Variants in STAT3 observed in about 807,000 individuals in gnomAD.
STAT3 encodes signal transducer and activator of transcription 3.
In STAT3, 7 loss-of-function variants were observed where a neutral mutation model predicts 114.3. That is an observed-to-expected ratio of 0.06 (90% CI 0.03 to 0.11). The LOEUF is 0.11. STAT3 is among the 10% of genes least tolerant of loss of function. STAT3 has a pLI of 1.00. For missense variants in STAT3, 364 were observed against 960.9 expected, an observed-to-expected ratio of 0.38 and a Z score of 8.21; for synonymous variants, 331 against 354.5, an observed-to-expected ratio of 0.93 and a Z score of 0.74.
intron 13 of STAT3, 27 bp from the exon 14 acceptor site, chr17:42,329,484 C>A (rs911339654): frequency 1.2e-6 from 2 of 1,614,206 alleles, no homozygotes; most frequent in Admixed American, 3.3e-5. Flanking sequence ...AGGCAGGTGT[C>A]CTGTGAGGCT....
intron 6 of STAT3, among the ~76,000 whole-genome samples, chr17:42,338,529 G>A (rs1295454959): frequency 1.1e-5 from 1 of 88,764 alleles, no homozygotes; most frequent in Non-Finnish European, 2.8e-5. Context: ...CTTGACCTGA[G>A]GGAATACTCC....
At chr17:42,356,539 A>T (rs368474317) in intron 1 of STAT3, among the ~76,000 whole-genome samples, 9,847 of 142,912 alleles carry the variant, frequency 0.069, 629 homozygotes, top group African/African-American at 0.17. Context: ...ATATATATAT[A>T]TTTTTTTTTT....
intron 1 of STAT3, among the ~76,000 whole-genome samples, chr17:42,378,394 C>T (rs950476838): frequency 6.6e-6 from 1 of 152,096 alleles, no homozygotes; most frequent in African/African-American, 2.4e-5. Context: ...TACAGGCACG[C>T]GTCACCACAC....
chr17:42,359,919 G>A (rs2083424798), intron 1 of STAT3, among the ~76,000 whole-genome samples: 1 of 152,022 alleles, frequency 6.6e-6, no homozygotes, highest in Non-Finnish European at 1.5e-5. Flanking sequence ...AATTAGCCAG[G>A]TGTAGTGGCG....
chr17:42,315,925 G>A, intron 23 of STAT3, 125 bp from the exon 24 acceptor site: 4 of 1,575,904 alleles, frequency 2.5e-6, no homozygotes, highest in Non-Finnish European at 3.4e-6. Context: ...GCCCCTTAAG[G>A]CCCAGGGATG....
In STAT3 at chr17:42,339,189, G is replaced by A. The variant is rs576920428; in HGVS notation, c.468+125C>T. Reference sequence around the variant, plus strand: ...GAGGATCGCTTGGGCCTGAGAGGTCGAGGCTGCAGTGAGCTGTGATCATGC... The same window carrying A: ...GAGGATCGCTTGGGCCTGAGAGGTCAAGGCTGCAGTGAGCTGTGATCATGC... On this transcript the variant is annotated intron_variant, in intron 5 of 23. Transcript: ENST00000264657. 1.5e-4 allele frequency: 139 copies of A among 912,434 alleles called. 1 individual carries two copies. In the East Asian group the frequency reaches 1.8e-3, roughly 12 times the overall value. The allele number at this position is 912,434 out of a possible 1,614,324, so 56.5% of individuals were successfully genotyped here. A position where few individuals can be genotyped will look rare whatever the true frequency, so the allele number is the denominator to read the frequency against.
At position 42,345,672 on chromosome 17, in the gene STAT3, G is replaced by A. The variant is rs770827756; in HGVS notation, c.274-15C>T. 3.2e-6 allele frequency: 5 copies of A among 1,584,492 alleles called. No individual in the cohort carries two copies. In the African/African-American group the frequency reaches 6.8e-5, roughly 21 times the overall value. The stretch of plus-strand genomic sequence containing the variant: ...AGATACCTGCTCTATAAGTAGGAGA[G>A]AAAGAGAATAAAAATCAGCAGCAGA... On this transcript the variant is annotated splice_polypyrimidine_tract_variant and intron_variant, in intron 3 of 23. Transcript: ENST00000264657.
At position 42,314,323 on chromosome 17, in the gene STAT3, C is replaced by T. The variant is rs577652056; in HGVS notation, c.*1422G>A. ...ATTCCCTGAGCTCAACCAGACACGT[C>T]GCTGGGGCCCCATAGTGTGCATCAT... On this transcript the variant is annotated 3_prime_UTR_variant, in exon 24 of 24. Transcript: ENST00000264657. The T allele has an allele frequency of 2.6e-5, 6 of 233,492 alleles. No homozygotes were observed. The South Asian group carries it at 7.2e-4, about 28-fold the overall frequency. The allele number at this position is 233,492 out of a possible 1,614,324, so 14.5% of individuals were successfully genotyped here.
At chr17:42,373,841 C>A (rs1343320536) in intron 1 of STAT3, among the ~76,000 whole-genome samples, 6 of 147,732 alleles carry the variant, frequency 4.1e-5, no homozygotes, top group Non-Finnish European at 8.9e-5. Context: ...GCCGAGATCG[C>A]GCCACTACAC....
intron 1 of STAT3, among the ~76,000 whole-genome samples, chr17:42,366,689 A>C (rs2083816255): frequency 6.6e-6 from 1 of 150,910 alleles, no homozygotes; most frequent in Non-Finnish European, 1.5e-5. Flanking sequence ...AAAAAAAAAA[A>C]AAAAAGGAAG....
intron 1 of STAT3, among the ~76,000 whole-genome samples, chr17:42,360,610 T>C (rs1598476575): frequency 6.6e-6 from 1 of 151,806 alleles, no homozygotes; most frequent in Non-Finnish European, 1.5e-5. Flanking sequence ...TGTCATTGCA[T>C]TCCAGCCTAG....
chr17:42,383,949 A>G (rs769407420), intron 1 of STAT3, among the ~76,000 whole-genome samples: 10 of 152,166 alleles, frequency 6.6e-5, no homozygotes, highest in Non-Finnish European at 1.0e-4. Context: ...CAGGATACCT[A>G]CCTTTGTACA....
At chr17:42,354,331 G>A (rs1020851917) in intron 1 of STAT3, among the ~76,000 whole-genome samples, 2 of 150,172 alleles carry the variant, frequency 1.3e-5, no homozygotes, top group African/African-American at 2.4e-5. Flanking sequence ...CACCACGCCC[G>A]GCTAATTTTT....
At chr17:42,319,793 C>T (rs2081397699) in intron 21 of STAT3, among the ~76,000 whole-genome samples, 1 of 152,094 alleles carries the variant, frequency 6.6e-6, no homozygotes, top group Non-Finnish European at 1.5e-5. Flanking sequence ...ACATGCTCAT[C>T]GTCCTGAAGG....
intron 1 of STAT3, among the ~76,000 whole-genome samples, chr17:42,384,332 G>T (rs2084975036): frequency 6.6e-6 from 1 of 151,712 alleles, no homozygotes; most frequent in Non-Finnish European, 1.5e-5. Context: ...GGGTTTCACC[G>T]TGTTAGCCAG....
rs892774693 is a variant in STAT3 at position 42,379,547 on chromosome 17, C to T, written c.-24+8732G>A. Among the ~76,000 whole-genome samples, 5 of 152,152 alleles carry T rather than the reference C, an allele frequency of 3.3e-5. No homozygotes were observed. In the East Asian group the frequency reaches 5.8e-4, roughly 18 times the overall value. On this transcript the variant is annotated intron_variant, in intron 1 of 23. Coordinates refer to ENST00000264657, the MANE Select transcript of STAT3 (RefSeq NM_139276.3). ...AGCTCCCAGCTTCATACCTGGCCAC[C>T]GGGATGCCTCCTCACTCCCACCTTC...
In STAT3 at chr17:42,339,490, T is replaced by C. The variant is rs541691517; in HGVS notation, c.373-81A>G. 55 of 1,391,372 alleles carry C rather than the reference T, an allele frequency of 4.0e-5. No individual in the cohort carries two copies. In the East Asian group the frequency reaches 1.2e-3, roughly 31 times the overall value. 86.2% of individuals were successfully genotyped at this position (1,391,372 alleles called of 1,614,324 possible). On this transcript the variant is annotated intron_variant, in intron 4 of 23. Coordinates refer to ENST00000264657, the MANE Select transcript of STAT3 (RefSeq NM_139276.3). ...CCTCTACCCAGCTTCCATCCCACCC[T>C]AACTACCCTTCTTGTTTGGCTTGAG... is the stretch of plus-strand genomic sequence containing the variant.
At chr17:42,362,724 C>T (rs969980730) in intron 1 of STAT3, among the ~76,000 whole-genome samples, 2 of 152,158 alleles carry the variant, frequency 1.3e-5, no homozygotes, top group South Asian at 2.1e-4. Context: ...CTAATGAACA[C>T]GTAGCACTCA....
intron 1 of STAT3, among the ~76,000 whole-genome samples, chr17:42,384,124 A>ATTTTTTTT (rs1202429954): frequency 2.4e-5 from 2 of 81,958 alleles, no homozygotes; most frequent in Admixed American, 1.8e-4. Context: ...TTATTTATTT[A>ATTTTTTTT]TTTATTTATT....
Sources: allele counts gnomAD v4.1 joint callset (sites outside exome capture counted in the v4.1 genomes callset), GRCh38; gene constraint gnomAD v4.1.1; transcripts MANE v1.5; gene names NCBI Gene and HGNC (gene_info 2026-07-23, HGNC 2026-07-21).